Variants in RALGPS1 observed in about 807,000 individuals in gnomAD.
RALGPS1 encodes Ral GEF with PH domain and SH3 binding motif 1.
RALGPS1 carries 19 observed loss-of-function variants against 78.8 expected under a neutral mutation model. The observed-to-expected ratio is 0.24, with a 90% CI of 0.17 to 0.35. RALGPS1 has a LOEUF of 0.35. RALGPS1 is among the 10% of genes least tolerant of loss of function. RALGPS1 has a pLI of 1.00. For synonymous variants in RALGPS1, 228 were observed against 256.3 expected (o/e 0.89, Z 1.06); for missense variants, 454 against 688.3 (o/e 0.66, Z 3.81).
At chr9:127,013,111 A>G (rs945534690) in intron 4 of RALGPS1, among the ~76,000 whole-genome samples, 3 of 152,170 alleles carry the variant, frequency 2.0e-5, no homozygotes, top group Non-Finnish European at 4.4e-5. Context: ...GAGAAATGGC[A>G]TTTCAGGTAC....
chr9:127,089,374 A>T (rs562712912), intron 8 of RALGPS1, among the ~76,000 whole-genome samples: 1 of 152,198 alleles, frequency 6.6e-6, no homozygotes, highest in Admixed American at 6.5e-5. Flanking sequence ...TCTCCCAGCC[A>T]CTGTATCCTC....
chr9:127,144,461 A>C lies in RALGPS1; in HGVS notation c.611-21608A>C, dbSNP rs368404725. On this transcript the variant is annotated intron_variant, in intron 8 of 18. Transcript: ENST00000259351. ...ACTTACGATTTCACTCAAAAATTTAAGTAAAAAATCATGTAGTGTGACCCA... is the reference window on the plus strand; with the variant it reads ...ACTTACGATTTCACTCAAAAATTTACGTAAAAAATCATGTAGTGTGACCCA... Among the ~76,000 whole-genome samples, 218 of 152,352 alleles carry C rather than the reference A, an allele frequency of 1.4e-3. 2 individuals carry two copies. The highest frequency in any genetic ancestry group is 4.8e-3 in the African/African-American group (200 of 41,586).
chr9:127,174,936 C>T (rs944379120), intron 11 of RALGPS1, among the ~76,000 whole-genome samples, 154 bp downstream of exon 11: 4 of 152,232 alleles, frequency 2.6e-5, no homozygotes, highest in African/African-American at 7.2e-5. Context: ...CCAGCCTGCC[C>T]AGGCTCCTGA....
At chr9:127,047,631 G>A (rs752449553) in intron 5 of RALGPS1, among the ~76,000 whole-genome samples, 4 of 151,626 alleles carry the variant, frequency 2.6e-5, no homozygotes, top group South Asian at 2.1e-4. Context: ...CCCAGGTGGC[G>A]GAGGTTGCAG....
chr9:127,176,997 G>A (rs576198714), intron 11 of RALGPS1, among the ~76,000 whole-genome samples: 4 of 152,330 alleles, frequency 2.6e-5, no homozygotes, highest in African/African-American at 9.6e-5. Flanking sequence ...TGCTCATCCT[G>A]TTGGGCTCAG....
At chr9:127,216,830 G>C (rs765607535) in intron 18 of RALGPS1, 14 of 1,356,220 alleles carry the variant, frequency 1.0e-5, no homozygotes, top group Non-Finnish European at 1.3e-5. Flanking sequence ...CACCATGTGT[G>C]TCTGGGGTCC....
At chr9:127,027,446 T>G (rs2046052075) in intron 4 of RALGPS1, among the ~76,000 whole-genome samples, 1 of 152,242 alleles carries the variant, frequency 6.6e-6, no homozygotes. Context: ...CTCTCACATA[T>G]TTCATTCATG....
At chr9:127,022,883 AT>A (rs781689224) in intron 4 of RALGPS1, among the ~76,000 whole-genome samples, 1 of 152,136 alleles carries the variant, frequency 6.6e-6, no homozygotes, top group Non-Finnish European at 1.5e-5. Flanking sequence ...ACTTATTATG[AT>A]TTCTTTAGAA....
In RALGPS1 at chr9:127,118,994, G is replaced by A. The variant is rs142685793; in HGVS notation, c.611-47075G>A. Among the ~76,000 whole-genome samples, 402 of 152,294 alleles carry A rather than the reference G, an allele frequency of 2.6e-3. 2 individuals carry two copies. Among genetic ancestry groups the A allele is most frequent in the African/African-American group, 9.2e-3 (382 of 41,566 alleles). On this transcript the variant is annotated intron_variant, in intron 8 of 18. Transcript: ENST00000259351. ...CAGTCCTAAAGGAGCCTCCAAGTAC[G>A]GATGTAGAAAGCGCATCAATAGTAT...
chr9:127,160,624 T>C (rs1480614633), intron 8 of RALGPS1, among the ~76,000 whole-genome samples: 1 of 152,092 alleles, frequency 6.6e-6, no homozygotes, highest in African/African-American at 2.4e-5. Context: ...GTCCTGGGGA[T>C]TGGGGGAAGA....
At chr9:127,194,297 A>G (rs756102337) in intron 11 of RALGPS1, among the ~76,000 whole-genome samples, 2 of 152,226 alleles carry the variant, frequency 1.3e-5, no homozygotes, top group African/African-American at 2.4e-5. Flanking sequence ...GAAAGACCTA[A>G]GATCTGAACC....
At chr9:127,162,991 G>A (rs1183855762) in intron 8 of RALGPS1, among the ~76,000 whole-genome samples, 1 of 152,152 alleles carries the variant, frequency 6.6e-6, no homozygotes, top group Admixed American at 6.5e-5. Context: ...CTACTTTCCA[G>A]GGTTGGTGGC....
intron 1 of RALGPS1, among the ~76,000 whole-genome samples, chr9:126,927,124 C>T (rs369737115): frequency 2.6e-5 from 4 of 151,960 alleles, no homozygotes; most frequent in African/African-American, 7.3e-5. Context: ...GTAGTGTTTG[C>T]GGGGAGGGAG....
At chr9:127,195,311 T>A in intron 12 of RALGPS1, 94 bp downstream of exon 12, 1 of 1,474,076 alleles carries the variant, frequency 6.8e-7, no homozygotes, top group Non-Finnish European at 9.2e-7. Flanking sequence ...GCTGGGTCCC[T>A]CCCCTGCCCT....
At chr9:127,086,392 A>G (rs573369253) in intron 8 of RALGPS1, among the ~76,000 whole-genome samples, 10 of 152,038 alleles carry the variant, frequency 6.6e-5, no homozygotes, top group Non-Finnish European at 1.0e-4. Flanking sequence ...GGAGATTGAC[A>G]TTTTTTTCAT....
intron 8 of RALGPS1, among the ~76,000 whole-genome samples, chr9:127,118,920 G>T (rs1017785027): frequency 3.9e-5 from 6 of 152,190 alleles, no homozygotes; most frequent in African/African-American, 1.4e-4. Context: ...CTCAGAAATT[G>T]CTCGTGTGTG....
At chr9:127,158,388 A>G (rs979525419) in intron 8 of RALGPS1, among the ~76,000 whole-genome samples, 9 of 152,142 alleles carry the variant, frequency 5.9e-5, no homozygotes, top group African/African-American at 1.9e-4. Flanking sequence ...TTGAGAAGAT[A>G]TATTTTCCTA....
Position 126,959,317 on chromosome 9 carries a change from C to A in RALGPS1, c.-65-2908C>A, listed in dbSNP as rs576871449. Among the ~76,000 whole-genome samples the A allele has an allele frequency of 5.3e-5, 8 of 152,294 alleles. 1 individual carries two copies. The South Asian group carries it at 1.7e-3, about 32-fold the overall frequency. ...CCTCAGGTGGTCTGCCCACTTTGGC[C>A]TCCCAAACTGCTGGGATTACAGGTG... On this transcript the variant is annotated intron_variant, in intron 1 of 18. Transcript: ENST00000259351.
chr9:127,084,402 C>G (rs532684560), intron 8 of RALGPS1, among the ~76,000 whole-genome samples: 1 of 152,292 alleles, frequency 6.6e-6, no homozygotes, highest in Admixed American at 6.5e-5. Context: ...TAGCTCCCTC[C>G]CTGGCTCCTG....
Sources: allele counts gnomAD v4.1 joint callset (sites outside exome capture counted in the v4.1 genomes callset), GRCh38; gene constraint gnomAD v4.1.1; transcripts MANE v1.5; gene names NCBI Gene and HGNC (gene_info 2026-07-23, HGNC 2026-07-21).